RFX7: variants seen among roughly 807,000 people sequenced by gnomAD.
RFX7 encodes the protein DNA-binding protein RFX7.
RFX7 carries 26 observed loss-of-function variants against 111.8 expected under a neutral mutation model. The observed-to-expected ratio is 0.23, with a 90% CI of 0.17 to 0.32. The LOEUF (loss-of-function observed/expected upper bound fraction) is 0.32, where lower values mean the gene tolerates loss of function less well. RFX7 is among the 10% of genes least tolerant of loss of function. RFX7 has a pLI of 1.00. For synonymous variants in RFX7, 624 were observed against 624.4 expected, an observed-to-expected ratio of 1.00 and a Z score of 0.01; for missense variants, 1,573 against 1,772.9, an observed-to-expected ratio of 0.89 and a Z score of 2.02.
intron 5 of RFX7, among the ~76,000 whole-genome samples, chr15:56,138,005 T>C (rs1465390357): frequency 6.6e-6 from 1 of 150,946 alleles, no homozygotes; most frequent in African/African-American, 2.4e-5. Context: ...TCTGTTCTTT[T>C]ACATTTGCTG....
At chr15:56,173,112 G>A (rs2042863418) in intron 3 of RFX7, among the ~76,000 whole-genome samples, 1 of 152,188 alleles carries the variant, frequency 6.6e-6, no homozygotes, top group African/African-American at 2.4e-5. Context: ...GGAGGTTAGT[G>A]TTCGAGGTGG....
chr15:56,164,625 A>C (rs2042762408), intron 3 of RFX7, among the ~76,000 whole-genome samples: 1 of 152,196 alleles, frequency 6.6e-6, no homozygotes, highest in Non-Finnish European at 1.5e-5. Flanking sequence ...CTACCAACAG[A>C]CTGCTTGCAC....
chr15:56,244,007 C>G (rs1371350225), upstream of RFX7: 2 of 148,384 alleles, frequency 1.3e-5, no homozygotes, highest in Non-Finnish European at 3.0e-5. Context: ...CGCGGGCCAG[C>G]GGGCCAGGGA....
chr15:56,115,884 G>C (rs778895004), intron 5 of RFX7, among the ~76,000 whole-genome samples: 1 of 151,708 alleles, frequency 6.6e-6, no homozygotes, highest in Non-Finnish European at 1.5e-5. Context: ...AGAGCTTGCA[G>C]TGAGCCGAGA....
intron 3 of RFX7, 93 bp downstream of exon 3, chr15:56,179,177 A>G: frequency 1.7e-6 from 1 of 582,912 alleles, no homozygotes; most frequent in Non-Finnish European, 2.6e-6. Flanking sequence ...GTTAGATTAT[A>G]TTTAAAATCA....
intron 3 of RFX7, among the ~76,000 whole-genome samples, chr15:56,171,562 G>GA (rs11388100): frequency 0.42 from 63,065 of 151,270 alleles, 13,204 homozygotes; most frequent in East Asian, 0.47. Flanking sequence ...AGGGTCTCCA[G>GA]AAAAAAAACA....
intron 2 of RFX7, among the ~76,000 whole-genome samples, chr15:56,236,231 T>C (rs905538489): frequency 6.6e-6 from 1 of 152,218 alleles, no homozygotes; most frequent in African/African-American, 2.4e-5. Context: ...AGTAAATGCC[T>C]ATTTACAGTC....
chr15:56,204,326 G>T (rs1176411207), intron 2 of RFX7, among the ~76,000 whole-genome samples: 1 of 151,870 alleles, frequency 6.6e-6, no homozygotes, highest in African/African-American at 2.4e-5. Context: ...GCCTGATCAC[G>T]AACCTTAATA....
chr15:56,201,651 A>G (rs1222120936), intron 2 of RFX7, among the ~76,000 whole-genome samples: 3 of 152,168 alleles, frequency 2.0e-5, no homozygotes, highest in Non-Finnish European at 2.9e-5. Flanking sequence ...GCATAATTCT[A>G]TGTAGGAATG....
upstream of RFX7, chr15:56,244,014 G>C (rs1457522596): frequency 6.6e-6 from 1 of 150,848 alleles, no homozygotes; most frequent in Non-Finnish European, 1.5e-5. Flanking sequence ...CAGCGGGCCA[G>C]GGAAGCGCGC....
chr15:56,227,252 T>C (rs1304499340), intron 2 of RFX7, among the ~76,000 whole-genome samples: 5 of 152,182 alleles, frequency 3.3e-5, no homozygotes, highest in Non-Finnish European at 5.9e-5. Context: ...AAAATGAAAT[T>C]GGTTACTGTA....
intron 2 of RFX7, among the ~76,000 whole-genome samples, chr15:56,215,064 A>G (rs2043350317): frequency 6.6e-6 from 1 of 152,190 alleles, no homozygotes; most frequent in African/African-American, 2.4e-5. Flanking sequence ...GTATCAAGGT[A>G]CTAGTTCTAT....
At position 56,094,340 on chromosome 15, in the gene RFX7, G is replaced by C; in HGVS notation, c.3388C>G (p.Gln1130Glu). The change falls in exon 10 of 10, where the codon CAA becomes GAA. Residue 1130 changes from glutamine to glutamate, a missense_variant. Physicochemically the swap from Gln to Glu is conservative, Grantham distance 29. Coordinates refer to ENST00000559447, the MANE Select transcript of RFX7 (RefSeq NM_022841.7). Reference protein sequence around the residue: ...RLTPVSPVQHQGATVNNTNKQ... With the variant: ...RLTPVSPVQHEGATVNNTNKQ... ...TTGGTGTTATTTACAGTGGCACCTTGATGCTGCACAGGAGAGACAGGAGTC... is the reference window on the plus strand; with the variant it reads ...TTGGTGTTATTTACAGTGGCACCTTCATGCTGCACAGGAGAGACAGGAGTC... 6.2e-7 allele frequency: 1 copy of C among 1,614,006 alleles called. No homozygotes were observed. The highest frequency in any genetic ancestry group is 8.5e-7 in the Non-Finnish European group (1 of 1,179,894).
At chr15:56,117,645 C>T (rs1202122901) in intron 5 of RFX7, among the ~76,000 whole-genome samples, 1 of 152,096 alleles carries the variant, frequency 6.6e-6, no homozygotes, top group African/African-American at 2.4e-5. Context: ...CCTTTCCCAG[C>T]ACCTAGTATC....
chr15:56,125,483 G>C (rs1422560654), intron 5 of RFX7, among the ~76,000 whole-genome samples: 1 of 151,964 alleles, frequency 6.6e-6, no homozygotes, highest in African/African-American at 2.4e-5. Flanking sequence ...TGATCTATGA[G>C]CATGGGATGT....
Position 56,098,173 on chromosome 15 carries a change from T to A in RFX7, c.1015A>T (p.Asn339Tyr), listed in dbSNP as rs776882265. Reference protein sequence around the residue: ...AAKKSESATSNGVTNLPNGNP... With the variant: ...AAKKSESATSYGVTNLPNGNP... ...CCATTAGGAAGATTAGTCACTCCAT[T>A]GCTTGTAGCACTTTCTGACTTTTTT... Residue 339 changes from asparagine to tyrosine, a missense_variant, in exon 9 of 10, where the codon AAT becomes TAT. Around this residue, in one of 7 missense-constraint regions of RFX7, gnomAD observed 288 missense variants for 337.9 expected, o/e 0.85. Transcript: ENST00000559447. 1.2e-6 allele frequency: 2 copies of A among 1,613,822 alleles called. No homozygotes were observed. Among genetic ancestry groups the A allele is most frequent in the Non-Finnish European group, 1.7e-6 (2 of 1,179,830 alleles).
intron 3 of RFX7, among the ~76,000 whole-genome samples, 161 bp from the exon 4 acceptor site, chr15:56,144,644 T>G (rs538352957): frequency 6.6e-6 from 1 of 152,128 alleles, no homozygotes; most frequent in Non-Finnish European, 1.5e-5. Context: ...ATGAGGTTAT[T>G]TGATAAATTT....
At chr15:56,166,432 G>A (rs10163161) in intron 3 of RFX7, among the ~76,000 whole-genome samples, 45,681 of 152,020 alleles carry the variant, frequency 0.3, 7,846 homozygotes, top group Middle Eastern at 0.47. Flanking sequence ...AATTAGTTGG[G>A]AGACTGCTTC....
chr15:56,232,887 T>TATC (rs1313473684), intron 2 of RFX7, among the ~76,000 whole-genome samples: 2 of 152,200 alleles, frequency 1.3e-5, no homozygotes, highest in Non-Finnish European at 2.9e-5. Flanking sequence ...TCCATATTAT[T>TATC]ATCAGCATTT....
Sources: gnomAD v4.1 joint callset for allele counts (sites outside exome capture counted in the v4.1 genomes callset) on GRCh38, gnomAD v4.1.1 for gene constraint, gnomAD v4.1.1 regional missense constraint, MANE v1.5 for transcripts, NCBI Gene and HGNC (gene_info 2026-07-23, HGNC 2026-07-21) for gene names.